TICRR: variants seen among roughly 807,000 people sequenced by gnomAD.
TICRR encodes the protein treslin.
In TICRR, 132 loss-of-function variants were observed where a neutral mutation model predicts 178.1. The ratio of observed to expected loss-of-function variants is 0.74; its 90% CI spans 0.64 to 0.86. TICRR has a LOEUF of 0.86. Ranked by LOEUF, TICRR falls within the 40% of genes least tolerant of loss-of-function variation. The probability of loss-of-function intolerance (pLI) is 0.00; values close to 1 mark genes in which losing one functional copy is unlikely to be tolerated. For synonymous variants in TICRR, 991 were observed against 900.7 expected (o/e 1.10, Z -1.79); for missense variants, 2,587 against 2,334.3 (o/e 1.11, Z -2.23).
In TICRR at chr15:89,575,799, C is replaced by T. The variant is rs779821928; in HGVS notation, c.213C>T (p.Arg71=). The change falls in exon 1 of 22, where the codon CGC becomes CGT. Residue 71 remains arginine (R), a synonymous_variant. Transcript: ENST00000268138. ...RVSDFRELGS[R]SWEDFEEELE... is the part of the protein sequence containing the mutation. ...CTGACTTCCGCGAGCTGGGGTCCCGCTCGTGGGAGGACTTTGAGGAGGAGC... is the reference window on the plus strand; with the variant it reads ...CTGACTTCCGCGAGCTGGGGTCCCGTTCGTGGGAGGACTTTGAGGAGGAGC... The T allele has an allele frequency of 5.4e-5, 86 of 1,605,558 alleles. No individual in the cohort carries two copies. The highest frequency in any genetic ancestry group is 6.8e-5 in the Non-Finnish European group (80 of 1,177,314).
At position 89,575,987 on chromosome 15, in the gene TICRR, T is replaced by A. The variant is rs983558235; in HGVS notation, c.401T>A (p.Leu134Gln). ...CTGCGGAGCAGCGGGAGGAGACTGC[T>A]GGACGTGGAGAGCGAGGCCAAGGAG... ...PILRSSGRRL[L>Q]DVESEAKEAE... The change falls in exon 1 of 22, where the codon CTG becomes CAG. Residue 134 changes from leucine to glutamine, a missense_variant. Leu to Gln is a moderately radical substitution (Grantham distance 113, BLOSUM62 -2). Coordinates refer to ENST00000268138, the MANE Select transcript of TICRR (RefSeq NM_152259.4). 6.2e-7 allele frequency: 1 copy of A among 1,606,644 alleles called. No individual in the cohort carries two copies. Among genetic ancestry groups the A allele is most frequent in the African/African-American group, 1.3e-5 (1 of 74,758 alleles).
At chr15:89,614,983 C>G (rs1203760048) in intron 15 of TICRR, among the ~76,000 whole-genome samples, 1 of 152,204 alleles carries the variant, frequency 6.6e-6, no homozygotes, top group Non-Finnish European at 1.5e-5. Flanking sequence ...ACAGGCTTCT[C>G]AAGTCTATCC....
chr15:89,599,715 A>G (rs570794014), intron 8 of TICRR, among the ~76,000 whole-genome samples: 1 of 152,360 alleles, frequency 6.6e-6, no homozygotes, highest in Admixed American at 6.5e-5. Flanking sequence ...TCTCCTAATG[A>G]AAAGCCTTTC....
At chr15:89,582,376 CT>C (rs2141952379) in intron 1 of TICRR, 1 of 239,266 alleles carries the variant, frequency 4.2e-6, no homozygotes, top group South Asian at 1.0e-4. Flanking sequence ...TTCTATGTTC[CT>C]TCTAACATTT....
At position 89,627,323 on chromosome 15, in the gene TICRR, G is replaced by T; in HGVS notation, c.*237G>T. The T allele has an allele frequency of 2.0e-6, 1 of 488,494 alleles. No individual in the cohort carries two copies. The highest frequency in any genetic ancestry group is 3.6e-6 in the Non-Finnish European group (1 of 278,578). The allele number at this position is 488,494 out of a possible 1,614,324, so 30.3% of individuals were successfully genotyped here. A position where few individuals can be genotyped will look rare whatever the true frequency, so the allele number is the denominator to read the frequency against. ...GCAATGTGATTGGTGCTATAACTCA[G>T]GCAGCCTGGGAGTCAGGAACCCAGA... On this transcript the variant is annotated 3_prime_UTR_variant, in exon 22 of 22. Coordinates refer to ENST00000268138, the MANE Select transcript of TICRR (RefSeq NM_152259.4).
intron 4 of TICRR, among the ~76,000 whole-genome samples, chr15:89,587,688 C>T (rs1035364648): frequency 4.6e-5 from 7 of 151,994 alleles, no homozygotes; most frequent in African/African-American, 7.3e-5. Flanking sequence ...TGTGGATGCT[C>T]GGGATACCAT....
At position 89,623,561 on chromosome 15, in the gene TICRR, A is replaced by T. The variant is rs34849718; in HGVS notation, c.3313-62A>T. 12,794 of 1,500,650 alleles carry T rather than the reference A, an allele frequency of 8.5e-3. 81 individuals carry two copies. Among genetic ancestry groups the T allele is most frequent in the Non-Finnish European group, 9.5e-3 (10,631 of 1,116,692 alleles). The allele number at this position is 1,500,650 out of a possible 1,614,324, so 93.0% of individuals were successfully genotyped here. A position where few individuals can be genotyped will look rare whatever the true frequency, so the allele number is the denominator to read the frequency against. On this transcript the variant is annotated intron_variant, in intron 19 of 21. Transcript: ENST00000268138. The stretch of plus-strand genomic sequence containing the variant: ...TCCCATTTGGTCTTAGAGATTACTA[A>T]AACACTTCAGAGATCATGAGTTATA...
At chr15:89,607,325 G>A (rs1963189926) in intron 14 of TICRR, among the ~76,000 whole-genome samples, 1 of 152,132 alleles carries the variant, frequency 6.6e-6, no homozygotes. Flanking sequence ...GTTTTTAGGA[G>A]ATACATGCTG....
At position 89,619,994 on chromosome 15, in the gene TICRR, G is replaced by A; in HGVS notation, c.3154+152G>A. On this transcript the variant is annotated intron_variant, in intron 18 of 21. Transcript: ENST00000268138. ...TTGAGGTTCAGGGTGATGGCTAGATGGACAGTCCATGACTTTGTAATCAGT... is the reference window on the plus strand; with the variant it reads ...TTGAGGTTCAGGGTGATGGCTAGATAGACAGTCCATGACTTTGTAATCAGT... The A allele has an allele frequency of 3.4e-6, 3 of 894,524 alleles. No individual in the cohort carries two copies. In the South Asian group the frequency reaches 5.5e-5, roughly 16 times the overall value. The allele number at this position is 894,524 out of a possible 1,614,324, so 55.4% of individuals were successfully genotyped here.
chr15:89,606,535 A>G (rs1963177882), intron 13 of TICRR, among the ~76,000 whole-genome samples: 1 of 152,098 alleles, frequency 6.6e-6, no homozygotes, highest in Non-Finnish European at 1.5e-5. Flanking sequence ...ATGGGTATGT[A>G]ATTTATTTAA....
chr15:89,616,352 C>A, intron 15 of TICRR, 53 bp from the exon 16 acceptor site: 1 of 1,520,304 alleles, frequency 6.6e-7, no homozygotes. Context: ...CTTACTGCTG[C>A]TTCTTGATGA....
chr15:89,582,654 G>T, intron 1 of TICRR, 32 bp from the exon 2 acceptor site: 1 of 1,582,052 alleles, frequency 6.3e-7, no homozygotes, highest in Non-Finnish European at 8.6e-7. Flanking sequence ...CTAATTTATA[G>T]TAACCTAAGG....
At position 89,627,404 on chromosome 15, in the gene TICRR, A is replaced by C; in HGVS notation, c.*318A>C. On this transcript the variant is annotated 3_prime_UTR_variant, in exon 22 of 22. Coordinates refer to ENST00000268138, the MANE Select transcript of TICRR (RefSeq NM_152259.4). The stretch of plus-strand genomic sequence containing the variant: ...CATGACCTTGGCAAGTCAGGGGGCC[A>C]CTCTGCCTCATTTATGCAAATGGAG... 1 of 317,940 alleles carries C rather than the reference A, an allele frequency of 3.1e-6. No individual in the cohort carries two copies. 19.7% of individuals were successfully genotyped at this position (317,940 alleles called of 1,614,324 possible).
At chr15:89,594,215 A>G (rs890437446) in intron 5 of TICRR, among the ~76,000 whole-genome samples, 200 bp from the exon 6 acceptor site, 3 of 152,240 alleles carry the variant, frequency 2.0e-5, no homozygotes, top group Non-Finnish European at 4.4e-5. Context: ...TGAACAAGAC[A>G]GCTTTGGTTC....
intron 7 of TICRR, among the ~76,000 whole-genome samples, chr15:89,598,070 T>C (rs1963027692): frequency 6.6e-6 from 1 of 152,220 alleles, no homozygotes; most frequent in Admixed American, 6.5e-5. Context: ...TGGACTTTTA[T>C]GTATTAATCT....
chr15:89,576,346 A>G (rs946598000), intron 1 of TICRR, 106 bp downstream of exon 1: 1 of 1,052,596 alleles, frequency 9.5e-7, no homozygotes, highest in South Asian at 1.7e-5. Context: ...TGAGACTAAT[A>G]TGACTATGCG....
chr15:89,603,674 G>A (rs979000455), intron 13 of TICRR, among the ~76,000 whole-genome samples: 14 of 152,112 alleles, frequency 9.2e-5, no homozygotes. Flanking sequence ...TGGAGTAGTC[G>A]CCCCTTATCT....
chr15:89,616,130 C>T (rs1284670027), intron 15 of TICRR, among the ~76,000 whole-genome samples: 2 of 152,128 alleles, frequency 1.3e-5, no homozygotes, highest in Admixed American at 6.5e-5. Flanking sequence ...AGTGATCCGC[C>T]CTCATTAGCC....
rs747142494 is a variant in TICRR at position 89,595,563 on chromosome 15, G to T, written c.1852G>T (p.Asp618Tyr). The part of the protein sequence containing the change: ...IQKIPSGRTV[D>Y]KLEDRGRTLR... ...AAAGATACCTAGTGGGAGAACAGTG[G>T]ATAAATTGGAAGACAGAGGAAGAAC... Residue 618 changes from aspartate (D) to tyrosine (Y), a missense_variant, in exon 7 of 22, where the codon GAT becomes TAT. Coordinates refer to ENST00000268138, the MANE Select transcript of TICRR (RefSeq NM_152259.4). 6.2e-7 allele frequency: 1 copy of T among 1,614,170 alleles called. No individual in the cohort carries two copies. The highest frequency in any genetic ancestry group is 1.1e-5 in the South Asian group (1 of 91,078).
Sources: gnomAD v4.1 joint callset for allele counts (sites outside exome capture counted in the v4.1 genomes callset) on GRCh38, gnomAD v4.1.1 for gene constraint, MANE v1.5 for transcripts, NCBI Gene and HGNC (gene_info 2026-07-23, HGNC 2026-07-21) for gene names.